Variants in SECISBP2 observed in about 807,000 individuals in gnomAD.
SECISBP2 encodes the protein selenocysteine insertion sequence-binding protein 2.
SECISBP2 carries 96 observed loss-of-function variants against 98.2 expected under a neutral mutation model. The observed-to-expected ratio is 0.98, with a 90% CI of 0.83 to 1.16. The LOEUF (loss-of-function observed/expected upper bound fraction) is 1.16, where lower values mean the gene tolerates loss of function less well. Ranked by LOEUF, SECISBP2 falls within the 50% of genes most tolerant of loss-of-function variation. SECISBP2 has a pLI of 0.00. For missense variants in SECISBP2, 1,046 were observed against 1,022.9 expected, an observed-to-expected ratio of 1.02 and a Z score of -0.31; for synonymous variants, 407 against 370.2, an observed-to-expected ratio of 1.10 and a Z score of -1.14.
downstream of SECISBP2, chr9:89,364,270 T>C: frequency 2.4e-6 from 1 of 418,236 alleles, no homozygotes; most frequent in African/African-American, 2.0e-5. Flanking sequence ...TTCTGGGCCT[T>C]GGAACAGCAT....
At chr9:89,355,680 C>A in intron 14 of SECISBP2, 2 of 434,750 alleles carry the variant, frequency 4.6e-6, no homozygotes, top group Non-Finnish European at 6.1e-6. Flanking sequence ...TGTTATTTCT[C>A]AGCCTTCCCA....
At chr9:89,364,569 G>C (rs1261673540), downstream of SECISBP2, 2 of 160,974 alleles carry the variant, frequency 1.2e-5, no homozygotes, top group East Asian at 1.8e-4. Flanking sequence ...GCACATCCAG[G>C]ATGGGCTTCC....
At chr9:89,321,540 G>A (rs879866979) in intron 2 of SECISBP2, among the ~76,000 whole-genome samples, 3 of 152,118 alleles carry the variant, frequency 2.0e-5, no homozygotes, top group African/African-American at 4.8e-5. Context: ...GGTGGCAGGT[G>A]CCTGTAATCC....
chr9:89,318,657 C>G, intron 1 of SECISBP2, 45 bp downstream of exon 1: 11 of 1,374,810 alleles, frequency 8.0e-6, no homozygotes, highest in Non-Finnish European at 1.0e-5. Flanking sequence ...GTCCGTCCGC[C>G]TGCCTCGCAC....
rs1827747826 is a variant in SECISBP2, at chr9:89,331,509, C to G, written c.802-1399C>G. 2.0e-5 allele frequency among the ~76,000 whole-genome samples: 3 copies of G among 152,242 alleles called. No homozygotes were observed. The South Asian group carries it at 6.2e-4, about 32-fold the overall frequency. ...TCCATTATCTACTTAATGGATTCAA[C>G]TTTGAATCTTTTAATTTACTTTTAC... On this transcript the variant is annotated intron_variant, in intron 5 of 16. Coordinates refer to ENST00000375807, the MANE Select transcript of SECISBP2 (RefSeq NM_024077.5).
intron 5 of SECISBP2, among the ~76,000 whole-genome samples, chr9:89,331,266 C>T (rs967796762): frequency 6.6e-6 from 1 of 152,102 alleles, no homozygotes; most frequent in Non-Finnish European, 1.5e-5. Flanking sequence ...TTGAAAGCAA[C>T]TTGCATTGGA....
intron 4 of SECISBP2, among the ~76,000 whole-genome samples, chr9:89,327,649 C>T (rs1356157524): frequency 6.6e-6 from 1 of 152,152 alleles, no homozygotes; most frequent in Non-Finnish European, 1.5e-5. Flanking sequence ...TCATCTGTAT[C>T]ACTGTCTTCC....
chr9:89,330,754 G>A (rs1176061783), intron 5 of SECISBP2, among the ~76,000 whole-genome samples: 1 of 152,204 alleles, frequency 6.6e-6, no homozygotes, highest in African/African-American at 2.4e-5. Flanking sequence ...TTTGTGCGGT[G>A]GCTGAATAGC....
intron 10 of SECISBP2, among the ~76,000 whole-genome samples, chr9:89,343,447 G>C (rs112290387): frequency 6.6e-6 from 1 of 151,886 alleles, no homozygotes; most frequent in Non-Finnish European, 1.5e-5. Context: ...ATTTTGTCAC[G>C]CAGGTACTAA....
chr9:89,334,493 G>A, intron 6 of SECISBP2, 29 bp from the exon 7 acceptor site: 1 of 1,575,970 alleles, frequency 6.3e-7, no homozygotes. Flanking sequence ...TGTTGAGATT[G>A]TTCAACAATT....
intron 7 of SECISBP2, among the ~76,000 whole-genome samples, chr9:89,337,097 C>T (rs1167509323): frequency 6.6e-6 from 1 of 152,154 alleles, no homozygotes; most frequent in Non-Finnish European, 1.5e-5. Flanking sequence ...TTCTTTGTTG[C>T]AGCTGCCAAG....
At chr9:89,334,065 T>G (rs921689533) in intron 6 of SECISBP2, 10 of 1,108,484 alleles carry the variant, frequency 9.0e-6, no homozygotes, top group Non-Finnish European at 1.1e-5. Flanking sequence ...GCTGTACTTA[T>G]GCCTCTGTTC....
In SECISBP2 at chr9:89,350,062, TG is replaced by T. The variant is rs1204700492; in HGVS notation, c.1892+136del. 7.6e-6 allele frequency: 8 copies of T among 1,057,050 alleles called. No individual in the cohort carries two copies. In the African/African-American group the frequency reaches 1.1e-4, roughly 15 times the overall value. 65.5% of individuals were successfully genotyped at this position (1,057,050 alleles called of 1,614,324 possible). On this transcript the variant is annotated intron_variant, in intron 13 of 16. Coordinates refer to ENST00000375807, the MANE Select transcript of SECISBP2 (RefSeq NM_024077.5). ...TAAAAACCTCATGGTTGAAAGAAGC[TG>T]GGTACCTGGTTACACGCATTCAGGG...
intron 16 of SECISBP2, 59 bp from the exon 17 acceptor site, chr9:89,358,661 TA>T: frequency 8.8e-7 from 1 of 1,137,236 alleles, no homozygotes; most frequent in Non-Finnish European, 1.3e-6. Context: ...CTGGTTTTCT[TA>T]CAGGAGTTTT....
Position 89,341,422 on chromosome 9 carries a change from G to A in SECISBP2, c.1378G>A (p.Glu460Lys). 1 of 1,614,134 alleles carries A rather than the reference G, an allele frequency of 6.2e-7. No individual in the cohort carries two copies. The highest frequency in any genetic ancestry group is 8.5e-7 in the Non-Finnish European group (1 of 1,179,982). The change falls in exon 10 of 17, where the codon GAG becomes AAG. Residue 460 changes from glutamate (E) to lysine (K), a missense_variant. Glu to Lys is a moderately conservative substitution (Grantham distance 56). Coordinates refer to ENST00000375807, the MANE Select transcript of SECISBP2 (RefSeq NM_024077.5). ...CTTGGGGGGCATGCTGACAGCCCTG[G>A]AGAAGAAGCAGCACTCTCAGCATGC... ...LDLGGMLTALEKKQHSQHAKQ... is the reference protein window; with the variant it reads ...LDLGGMLTALKKKQHSQHAKQ...
downstream of SECISBP2, chr9:89,362,102 C>T: frequency 3.6e-6 from 2 of 556,636 alleles, no homozygotes; most frequent in South Asian, 4.5e-5. Context: ...AGTTCACGAG[C>T]AGCTATCAAA....
intron 1 of SECISBP2, among the ~76,000 whole-genome samples, chr9:89,319,311 G>A (rs914538920): frequency 6.6e-6 from 1 of 152,220 alleles, no homozygotes; most frequent in African/African-American, 2.4e-5. Context: ...GTATTTGACT[G>A]CAGTAGTTGT....
intron 10 of SECISBP2, among the ~76,000 whole-genome samples, chr9:89,344,453 A>C (rs951622230): frequency 6.6e-6 from 1 of 152,130 alleles, no homozygotes; most frequent in African/African-American, 2.4e-5. Context: ...TTTTACGTTT[A>C]AGTCTTTAAT....
At chr9:89,347,465 C>CTTTTTTTTTT (rs1184563393) in intron 11 of SECISBP2, among the ~76,000 whole-genome samples, 1 of 87,398 alleles carries the variant, frequency 1.1e-5, no homozygotes, top group African/African-American at 4.4e-5. Flanking sequence ...CCGGTGAATT[C>CTTTTTTTTTT]TTTTTTTTTT....
Sources: gnomAD v4.1 joint callset for allele counts (sites outside exome capture counted in the v4.1 genomes callset) on GRCh38, gnomAD v4.1.1 for gene constraint, MANE v1.5 for transcripts, NCBI Gene and HGNC (gene_info 2026-07-23, HGNC 2026-07-21) for gene names.